EBF4: variants seen among roughly 807,000 people sequenced by gnomAD.
EBF4 encodes EBF transcription factor 4.
In EBF4, 34 loss-of-function variants were observed where a neutral mutation model predicts 67.1. The ratio of observed to expected loss-of-function variants is 0.51; its 90% CI spans 0.39 to 0.67. The LOEUF (loss-of-function observed/expected upper bound fraction) is 0.67, where lower values mean the gene tolerates loss of function less well. Among genes scored for constraint, EBF4 ranks in the 30% least tolerant of loss-of-function variants. The pLI is 0.00. For synonymous variants in EBF4, 387 were observed against 377.7 expected (o/e 1.02, Z -0.29); for missense variants, 837 against 873.3 (o/e 0.96, Z 0.52).
At chr20:2,724,954 C>T (rs1247728573) in intron 6 of EBF4, among the ~76,000 whole-genome samples, 1 of 152,150 alleles carries the variant, frequency 6.6e-6, no homozygotes, top group Non-Finnish European at 1.5e-5. Flanking sequence ...TGTAGATAAA[C>T]TCACTCTTCT....
At chr20:2,744,487 C>T (rs922338001) in intron 6 of EBF4, among the ~76,000 whole-genome samples, 24 of 111,452 alleles carry the variant, frequency 2.2e-4, no homozygotes, top group South Asian at 6.0e-4. Flanking sequence ...TTCTTTTTTT[C>T]TTTTCTTTTT....
intron 6 of EBF4, among the ~76,000 whole-genome samples, chr20:2,738,212 G>GTC (rs1449167299): frequency 6.6e-6 from 1 of 151,774 alleles, no homozygotes; most frequent in Non-Finnish European, 1.5e-5. Flanking sequence ...AGGTGCCAAG[G>GTC]TCTCTGGTCT....
At chr20:2,719,340 T>A (rs776528963) in intron 6 of EBF4, among the ~76,000 whole-genome samples, 1 of 152,162 alleles carries the variant, frequency 6.6e-6, no homozygotes. Context: ...AGTGGCGCAA[T>A]CTCGGCTCAC....
In EBF4 at chr20:2,747,482, G is replaced by A. The variant is rs187831309; in HGVS notation, c.558-1067G>A. Among the ~76,000 whole-genome samples, 7 of 152,220 alleles carry A rather than the reference G, an allele frequency of 4.6e-5. No individual in the cohort carries two copies. The highest frequency in any genetic ancestry group is 3.9e-4 in the Admixed American group (6 of 15,282). ...TTGTCTAAAAAGCAACCTCATCAGC[G>A]CATATGTGTTTTTTTCCCAATAACT... On this transcript the variant is annotated intron_variant, in intron 6 of 16. Transcript: ENST00000609451. The surrounding 1 kb of genome is among the most constrained non-coding windows in gnomAD (Gnocchi z 4.6).
At chr20:2,710,932 A>C (rs1010430518) in intron 6 of EBF4, among the ~76,000 whole-genome samples, 7 of 152,116 alleles carry the variant, frequency 4.6e-5, no homozygotes, top group African/African-American at 1.7e-4. Flanking sequence ...GCTTGAGCCC[A>C]TGAGTTTGAG....
chr20:2,738,255 T>C (rs568307276), intron 6 of EBF4, among the ~76,000 whole-genome samples: 163 of 152,296 alleles, frequency 1.1e-3, no homozygotes, highest in African/African-American at 3.8e-3. Context: ...CCACCACCTC[T>C]GCCCAAGGCC....
chr20:2,755,440 C>T lies in EBF4; in HGVS notation c.1541-187C>T. Reference sequence around the variant, plus strand: ...GTCATCCCCAGCCCCGAGAAAAGGTCTCCAGAACCGCTGAGAGGTCAGGGC... The same window carrying T: ...GTCATCCCCAGCCCCGAGAAAAGGTTTCCAGAACCGCTGAGAGGTCAGGGC... On this transcript the variant is annotated intron_variant, in intron 14 of 16. Coordinates refer to ENST00000609451, the Ensembl canonical transcript of EBF4. The surrounding 1 kb of genome is among the most constrained non-coding windows in gnomAD (Gnocchi z 4.7). 1 of 588,708 alleles carries T rather than the reference C, an allele frequency of 1.7e-6. No homozygotes were observed. The highest frequency in any genetic ancestry group is 3.0e-6 in the Non-Finnish European group (1 of 330,160). 36.5% of individuals were successfully genotyped at this position (588,708 alleles called of 1,614,324 possible). A position where few individuals can be genotyped will look rare whatever the true frequency, so the allele number is the denominator to read the frequency against.
Position 2,755,602 on chromosome 20 carries a change from TGCCCCTCCCC to T in EBF4, c.1541-19_1541-10del. ...CTCCCACCACCTTCCCTGCTGCGCC[TGCCCCTCCCC>T]GCCCCGCCCCGGAGTCATGCCCTCT... On this transcript the variant is annotated splice_polypyrimidine_tract_variant and intron_variant, in intron 14 of 16. Transcript: ENST00000609451. The surrounding 1 kb of genome is among the most constrained non-coding windows in gnomAD (Gnocchi z 4.7). The T allele has an allele frequency of 3.6e-6, 4 of 1,117,770 alleles. No individual in the cohort carries two copies. Among genetic ancestry groups the T allele is most frequent in the Non-Finnish European group, 5.3e-6 (4 of 756,292 alleles). The allele number at this position is 1,117,770 out of a possible 1,614,324, so 69.2% of individuals were successfully genotyped here.
At position 2,752,066 on chromosome 20, in the gene EBF4, C is replaced by T. The variant is rs899919806; in HGVS notation, c.1174-20C>T. The T allele has an allele frequency of 5.5e-6, 8 of 1,453,920 alleles. No individual in the cohort carries two copies. The highest frequency in any genetic ancestry group is 1.5e-5 in the African/African-American group (1 of 67,136). The allele number at this position is 1,453,920 out of a possible 1,614,324, so 90.1% of individuals were successfully genotyped here. On this transcript the variant is annotated intron_variant, in intron 12 of 16. Transcript: ENST00000609451. Reference sequence around the variant, plus strand: ...GGCGCCCGCGGCTGCCCCGGCCGTGCCCCGCTCTTGTCTTCGCAGGAGCTG... The same window carrying T: ...GGCGCCCGCGGCTGCCCCGGCCGTGTCCCGCTCTTGTCTTCGCAGGAGCTG...
chr20:2,752,532 C>T (rs2088171767), exon 14 of EBF4: 1 of 1,251,032 alleles, frequency 8.0e-7, no homozygotes, highest in Non-Finnish European at 1.0e-6. Context: ...CCACCGCCAC[C>T]TCGCCCTTCG....
rs60721876 is a variant in EBF4 at position 2,754,970 on chromosome 20, A to ACC, written c.1541-649_1541-648dup. On this transcript the variant is annotated intron_variant, in intron 14 of 16. Transcript: ENST00000609451. ...CTGGAAGTGGGAGATTCAGGAGACC[A>ACC]CCCCCCCCCACAGGGCCCAGGCTGG... The ACC allele has an allele frequency of 7.4e-4, 96 of 129,868 alleles. 6 individuals are homozygous for ACC. The highest frequency in any genetic ancestry group is 3.1e-3 in the South Asian group (12 of 3,826). The allele number at this position is 129,868 out of a possible 1,614,324, so 8.0% of individuals were successfully genotyped here.
At chr20:2,730,125 T>C (rs1444381274) in intron 6 of EBF4, among the ~76,000 whole-genome samples, 3 of 152,224 alleles carry the variant, frequency 2.0e-5, no homozygotes, top group Non-Finnish European at 4.4e-5. Context: ...ACTTGCTTAG[T>C]GTATTAGTTT....
Position 2,751,892 on chromosome 20 carries a change from CCG to C in EBF4, c.1108-29_1108-28del, listed in dbSNP as rs753821309. 9.7e-6 allele frequency: 15 copies of C among 1,549,038 alleles called. No individual in the cohort carries two copies. The highest frequency in any genetic ancestry group is 2.4e-5 in the South Asian group (2 of 84,028). On this transcript the variant is annotated intron_variant, in intron 11 of 16. Transcript: ENST00000609451. This position sits in a 1 kb window ranked among gnomAD's most constrained non-coding sequence, Gnocchi z 5.2. Reference sequence around the variant, plus strand: ...TTGGTCGCCCCCAGGGGCTGCCCCTCCGTCCCGCTGTCTCTCCCCCTGTCCCC... The same window carrying C: ...TTGGTCGCCCCCAGGGGCTGCCCCTCTCCCGCTGTCTCTCCCCCTGTCCCC...
chr20:2,709,044 GGCGTGGTGGT>G (rs1167660718), intron 5 of EBF4, among the ~76,000 whole-genome samples: 1 of 152,158 alleles, frequency 6.6e-6, no homozygotes, highest in Non-Finnish European at 1.5e-5. Flanking sequence ...AAATTAGCCA[GGCGTGGTGGT>G]GCACACCTGT....
rs1745348242 is a variant in EBF4, at chr20:2,693,678, C to G, written c.33C>G (p.Ser11Arg). The stretch of plus-strand genomic sequence containing the variant: ...CTGCGCAGGACGCTCTGCCCCGCAG[C>G]GGGCTGAACCTGAAGGAGGAGCCGC... Residue 11 changes from serine to arginine, a missense_variant, in exon 1 of 17, where the codon AGC becomes AGG. Coordinates refer to ENST00000609451, the Ensembl canonical transcript of EBF4. This position sits in a 1 kb window ranked among gnomAD's most constrained non-coding sequence, Gnocchi z 4.6. 6.9e-6 allele frequency: 10 copies of G among 1,440,896 alleles called. No individual in the cohort carries two copies. Among genetic ancestry groups the G allele is most frequent in the Admixed American group, 2.8e-5 (1 of 36,340 alleles). 89.3% of individuals were successfully genotyped at this position (1,440,896 alleles called of 1,614,324 possible). A position where few individuals can be genotyped will look rare whatever the true frequency, so the allele number is the denominator to read the frequency against.
rs192319508 is a variant in EBF4 at position 2,724,470 on chromosome 20, A to T, written c.557+14828A>T. On this transcript the variant is annotated intron_variant, in intron 6 of 16. Transcript: ENST00000609451. ...CATCTTTTAGAAGTTCCTTGAAAAG[A>T]TTGGCTGGTAATAAATTGTGTTCTC... is the stretch of plus-strand genomic sequence containing the variant. Among the ~76,000 whole-genome samples the T allele has an allele frequency of 2.3e-3, 352 of 152,252 alleles. 2 individuals carry two copies. The highest frequency in any genetic ancestry group is 3.7e-3 in the Non-Finnish European group (250 of 68,022).
At position 2,745,135 on chromosome 20, in the gene EBF4, A is replaced by C. The variant is rs951476530; in HGVS notation, c.558-3414A>C. 6.6e-6 allele frequency among the ~76,000 whole-genome samples: 1 copy of C among 152,210 alleles called. No homozygotes were observed. The highest frequency in any genetic ancestry group is 2.4e-5 in the African/African-American group (1 of 41,450). ...CATCACCTGGAGGGCGTATGAATGCAGAGATGTGATTCTGACTCAGCAGGT... is the reference window on the plus strand; with the variant it reads ...CATCACCTGGAGGGCGTATGAATGCCGAGATGTGATTCTGACTCAGCAGGT... On this transcript the variant is annotated intron_variant, in intron 6 of 16. Coordinates refer to ENST00000609451, the Ensembl canonical transcript of EBF4. The surrounding 1 kb of genome is among the most constrained non-coding windows in gnomAD (Gnocchi z 5.2).
chr20:2,736,908 T>A (rs1424431366), intron 6 of EBF4, among the ~76,000 whole-genome samples: 1 of 152,170 alleles, frequency 6.6e-6, no homozygotes, highest in Admixed American at 6.5e-5. Context: ...CAGACTGGCC[T>A]CCATGCTGAG....
intron 6 of EBF4, among the ~76,000 whole-genome samples, chr20:2,731,207 G>A (rs574675370): frequency 3.9e-5 from 6 of 152,272 alleles, no homozygotes; most frequent in African/African-American, 1.4e-4. Flanking sequence ...CAGCTTTGCT[G>A]TTTGATGACA....
Sources: allele counts gnomAD v4.1 joint callset (sites outside exome capture counted in the v4.1 genomes callset), GRCh38; gene constraint gnomAD v4.1.1; non-coding constraint Gnocchi (gnomAD v3.1); transcripts MANE v1.5; gene names NCBI Gene and HGNC (gene_info 2026-07-23, HGNC 2026-07-21).